Variants in KDM4B observed in about 807,000 individuals in gnomAD.
KDM4B encodes the protein lysine-specific demethylase 4B.
Under a neutral mutation model 125.2 loss-of-function variants are expected in KDM4B, and 32 were observed. The ratio of observed to expected loss-of-function variants is 0.26; its 90% confidence interval spans 0.19 to 0.34. KDM4B has a LOEUF of 0.34. Among genes scored for constraint, KDM4B ranks in the 10% least tolerant of loss-of-function variants. The pLI is 1.00. For missense variants in KDM4B, 1,190 were observed against 1,577.7 expected (o/e 0.75, Z 4.16); for synonymous variants, 721 against 677.9 (o/e 1.06, Z -0.99).
intron 1 of KDM4B, among the ~76,000 whole-genome samples, 154 bp downstream of exon 1, chr19:4,969,384 G>T (rs1373573482): frequency 2.8e-5 from 1 of 35,930 alleles, no homozygotes; most frequent in African/African-American, 1.2e-4. Flanking sequence ...CGCTTTGTCC[G>T]GGCCGGCGGG....
chr19:4,999,921 A>G (rs62647699), intron 1 of KDM4B, among the ~76,000 whole-genome samples: 51,564 of 108,078 alleles, frequency 0.48, 10,932 homozygotes, highest in East Asian at 0.74. Flanking sequence ...ACCTGTCCAC[A>G]CACCGACCCA....
rs572063782 is a variant in KDM4B, at chr19:5,103,575, G to A, written c.919-7047G>A. ...AGCTGACGGGCCAGCCAGCAGCAGC[G>A]GTGCTGAGGTTAGTCCAGGTCCCCT... On this transcript the variant is annotated intron_variant, in intron 9 of 22. Coordinates refer to ENST00000159111, the MANE Select transcript of KDM4B (RefSeq NM_015015.3). 6.6e-5 allele frequency among the ~76,000 whole-genome samples: 10 copies of A among 152,304 alleles called. No individual in the cohort carries two copies. The South Asian group carries it at 1.9e-3, about 28-fold the overall frequency.
chr19:5,080,332 G>T (rs1321732124), intron 8 of KDM4B, among the ~76,000 whole-genome samples: 1 of 152,200 alleles, frequency 6.6e-6, no homozygotes, highest in Non-Finnish European at 1.5e-5. Context: ...TCATCTTTCT[G>T]GGGGAATATA....
chr19:5,065,134 C>T (rs1054086481), intron 6 of KDM4B, among the ~76,000 whole-genome samples: 1 of 152,246 alleles, frequency 6.6e-6, no homozygotes, highest in Non-Finnish European at 1.5e-5. Context: ...CGCAGCGTCA[C>T]CTAGCACAGG....
chr19:5,064,000 C>G (rs2037687681), intron 6 of KDM4B, among the ~76,000 whole-genome samples: 1 of 152,238 alleles, frequency 6.6e-6, no homozygotes, highest in Non-Finnish European at 1.5e-5. Context: ...GGAAGCCCAC[C>G]CTGTAGCCGG....
At chr19:5,092,696 C>T (rs972497753) in intron 9 of KDM4B, among the ~76,000 whole-genome samples, 1 of 152,132 alleles carries the variant, frequency 6.6e-6, no homozygotes, top group Non-Finnish European at 1.5e-5. Context: ...GGCAGGACCC[C>T]CTCGAGGGGC....
Position 4,990,309 on chromosome 19 carries a change from C to G in KDM4B, c.-109+21079C>G, listed in dbSNP as rs368556216. Reference sequence around the variant, plus strand: ...TGTCCCCGCCCCACAAAAAGAGGGTCAGAACCTTGGTGTTAGAGCAGTTCA... The same window carrying G: ...TGTCCCCGCCCCACAAAAAGAGGGTGAGAACCTTGGTGTTAGAGCAGTTCA... On this transcript the variant is annotated intron_variant, in intron 1 of 22. Coordinates refer to ENST00000159111, the MANE Select transcript of KDM4B (RefSeq NM_015015.3). 2.9e-4 allele frequency among the ~76,000 whole-genome samples: 44 copies of G among 152,246 alleles called. No homozygotes were observed. In the South Asian group the frequency reaches 8.1e-3, roughly 28 times the overall value.
chr19:5,117,137 C>T (rs1410987094), intron 10 of KDM4B, among the ~76,000 whole-genome samples: 2 of 152,178 alleles, frequency 1.3e-5, no homozygotes, highest in Non-Finnish European at 2.9e-5. Flanking sequence ...CAGCCTGGCA[C>T]TACTGCAGGT....
intron 6 of KDM4B, among the ~76,000 whole-genome samples, chr19:5,055,409 G>T (rs777147505): frequency 1.3e-5 from 2 of 152,346 alleles, no homozygotes; most frequent in East Asian, 3.9e-4. Flanking sequence ...TGTGAAAATC[G>T]CACTCCAAGC....
intron 1 of KDM4B, among the ~76,000 whole-genome samples, chr19:4,992,179 A>G (rs1301933456): frequency 1.3e-5 from 2 of 152,166 alleles, no homozygotes; most frequent in Admixed American, 6.5e-5. Flanking sequence ...TGTGCAGATA[A>G]CAAAATGTCA....
intron 2 of KDM4B, among the ~76,000 whole-genome samples, chr19:5,019,593 C>T (rs1378019010): frequency 2.1e-4 from 16 of 76,436 alleles, no homozygotes; most frequent in African/African-American, 7.0e-4. Flanking sequence ...TGTTGGTGTG[C>T]GGGTGTTGGT....
At chr19:5,059,343 G>A (rs111878571) in intron 6 of KDM4B, among the ~76,000 whole-genome samples, 12,210 of 152,274 alleles carry the variant, frequency 0.08, 533 homozygotes, top group Middle Eastern at 0.11. Flanking sequence ...CGGGGCGGGC[G>A]CAGGATGGGG....
chr19:4,981,768 G>C (rs979722812), intron 1 of KDM4B, among the ~76,000 whole-genome samples: 2 of 152,184 alleles, frequency 1.3e-5, no homozygotes, highest in African/African-American at 4.8e-5. Context: ...TGATGTGCCT[G>C]GGGACTGTCA....
intron 9 of KDM4B, among the ~76,000 whole-genome samples, chr19:5,109,817 C>T (rs558387706): frequency 3.2e-4 from 48 of 152,336 alleles, no homozygotes; most frequent in African/African-American, 9.4e-4. Context: ...TGTCACATTC[C>T]GGGATTCCTG....
At chr19:5,033,899 G>T (rs781057342) in intron 3 of KDM4B, among the ~76,000 whole-genome samples, 1 of 152,236 alleles carries the variant, frequency 6.6e-6, no homozygotes, top group Non-Finnish European at 1.5e-5. Flanking sequence ...GGGAGGCTGA[G>T]GCAGGGGGAT....
At position 5,092,886 on chromosome 19, in the gene KDM4B, G is replaced by A. The variant is rs2613753; in HGVS notation, c.918+10382G>A. ...GAGTCGTAACCTGGAGAGTGAGAGA[G>A]AACCTCCAGGGGCAACTGCTGGCAA... On this transcript the variant is annotated intron_variant, in intron 9 of 22. Transcript: ENST00000159111. Among the ~76,000 whole-genome samples the A allele has an allele frequency of 8.0e-4, 121 of 151,892 alleles. 1 individual carries two copies. The highest frequency in any genetic ancestry group is 2.7e-3 in the African/African-American group (112 of 41,404).
intron 1 of KDM4B, among the ~76,000 whole-genome samples, chr19:4,981,034 G>T (rs886732205): frequency 6.6e-6 from 1 of 152,100 alleles, no homozygotes; most frequent in African/African-American, 2.4e-5. Flanking sequence ...GGGTGCAGAG[G>T]TACCCTGTGA....
intron 1 of KDM4B, among the ~76,000 whole-genome samples, chr19:4,981,530 G>T (rs1008262581): frequency 2.6e-5 from 4 of 152,160 alleles, no homozygotes; most frequent in African/African-American, 9.7e-5. Flanking sequence ...GTGGCCATCA[G>T]GTTCTAAATG....
At chr19:5,119,036 C>T in intron 10 of KDM4B, 1 of 790,896 alleles carries the variant, frequency 1.3e-6, no homozygotes, top group Admixed American at 2.2e-5. Context: ...GAGTTGGGGA[C>T]AGAGCCAGGT....
Sources: gnomAD v4.1 joint callset for allele counts (sites outside exome capture counted in the v4.1 genomes callset) on GRCh38, gnomAD v4.1.1 for gene constraint, MANE v1.5 for transcripts, NCBI Gene and HGNC (gene_info 2026-07-23, HGNC 2026-07-21) for gene names.